Variants in CNPY3 observed in about 807,000 individuals in gnomAD.
CNPY3 encodes protein canopy homolog 3.
CNPY3 carries 20 observed loss-of-function variants against 32.0 expected under a neutral mutation model. The ratio of observed to expected loss-of-function variants is 0.63; its 90% confidence interval spans 0.44 to 0.91. The LOEUF (loss-of-function observed/expected upper bound fraction) is 0.91, where lower values mean the gene tolerates loss of function less well. Ranked by LOEUF, CNPY3 falls within the 40% of genes least tolerant of loss-of-function variation. The probability of loss-of-function intolerance (pLI) is 0.00; values close to 1 mark genes in which losing one functional copy is unlikely to be tolerated. For synonymous variants in CNPY3, 138 were observed against 142.9 expected, an observed-to-expected ratio of 0.97 and a Z score of 0.24; for missense variants, 299 against 340.8, an observed-to-expected ratio of 0.88 and a Z score of 0.97.
intron 2 of CNPY3, among the ~76,000 whole-genome samples, chr6:42,934,892 T>G (rs1768105015): frequency 6.6e-6 from 1 of 152,210 alleles, no homozygotes; most frequent in Non-Finnish European, 1.5e-5. Context: ...GCGACGGAGT[T>G]TCACTCTTGT....
At chr6:42,932,944 G>C (rs1328107008) in intron 1 of CNPY3, among the ~76,000 whole-genome samples, 1 of 152,122 alleles carries the variant, frequency 6.6e-6, no homozygotes, top group African/African-American at 2.4e-5. Flanking sequence ...ATCAGAAGAC[G>C]GTCTCTATCA....
chr6:42,928,935 A>T (rs1389571517), upstream of CNPY3, among the ~76,000 whole-genome samples: 1 of 152,220 alleles, frequency 6.6e-6, no homozygotes, highest in African/African-American at 2.4e-5. Context: ...TCTCACTAGG[A>T]CAAATCTACT....
At chr6:42,931,859 G>T (rs947292345) in intron 1 of CNPY3, among the ~76,000 whole-genome samples, 2 of 151,922 alleles carry the variant, frequency 1.3e-5, no homozygotes, top group African/African-American at 4.8e-5. Flanking sequence ...GAATAGCTGG[G>T]ATTACAGGCA....
chr6:42,929,450 C>T (rs1001174289), upstream of CNPY3: 1 of 1,058,676 alleles, frequency 9.4e-7, no homozygotes, highest in South Asian at 1.7e-5. Flanking sequence ...GGGAGGCTAG[C>T]TGTTGTCGTG....
intron 3 of CNPY3, 104 bp from the exon 4 acceptor site, chr6:42,937,613 C>G: frequency 2.5e-6 from 3 of 1,187,292 alleles, no homozygotes; most frequent in South Asian, 1.4e-5. Flanking sequence ...CCTTAGAGGG[C>G]GTTGAGCATT....
intron 4 of CNPY3, 47 bp downstream of exon 4, chr6:42,937,886 G>A (rs761724215): frequency 6.2e-7 from 1 of 1,611,882 alleles, no homozygotes; most frequent in Non-Finnish European, 8.5e-7. Flanking sequence ...CCAGTGAGGG[G>A]CTGGTGGGGA....
At chr6:42,938,455 G>A in intron 5 of CNPY3, 113 bp from the exon 6 acceptor site, 2 of 1,055,070 alleles carry the variant, frequency 1.9e-6, no homozygotes, top group Middle Eastern at 2.9e-4. Flanking sequence ...CAGGGAGGCT[G>A]ATGTCAAGCA....
At position 42,934,611 on chromosome 6, in the gene CNPY3, G is replaced by C. The variant is rs1008476249; in HGVS notation, c.275+13G>C. The stretch of plus-strand genomic sequence containing the variant: ...AATACACCAAGTCGTAAGTGAATGG[G>C]GACTCACTGGCCTGGCCTGCGTTGC... On this transcript the variant is annotated intron_variant, in intron 2 of 5. Coordinates refer to ENST00000372836, the MANE Select transcript of CNPY3 (RefSeq NM_006586.5). 1.2e-6 allele frequency: 2 copies of C among 1,613,320 alleles called. No homozygotes were observed. The highest frequency in any genetic ancestry group is 3.3e-5 in the Admixed American group (2 of 59,992).
intron 2 of CNPY3, among the ~76,000 whole-genome samples, chr6:42,934,821 T>C (rs1225506937): frequency 6.6e-6 from 1 of 152,218 alleles, no homozygotes; most frequent in African/African-American, 2.4e-5. Flanking sequence ...AGCAAGACTG[T>C]TGGACTATAT....
chr6:42,929,892 C>T (rs1767662481), intron 1 of CNPY3, among the ~76,000 whole-genome samples, 171 bp downstream of exon 1: 1 of 152,182 alleles, frequency 6.6e-6, no homozygotes, highest in Non-Finnish European at 1.5e-5. Flanking sequence ...GGTCCCGGTA[C>T]CCCTGGAGTT....
chr6:42,932,958 A>G (rs1767938236), intron 1 of CNPY3, among the ~76,000 whole-genome samples: 1 of 152,190 alleles, frequency 6.6e-6, no homozygotes, highest in Admixed American at 6.6e-5. Context: ...TCTATCAACA[A>G]GATTTATCGA....
chr6:42,936,846 T>C (rs1768272297), intron 3 of CNPY3, among the ~76,000 whole-genome samples: 1 of 152,088 alleles, frequency 6.6e-6, no homozygotes, highest in Admixed American at 6.6e-5. Flanking sequence ...CTTCAAGGTA[T>C]AAGTAAAAAG....
intron 1 of CNPY3, among the ~76,000 whole-genome samples, chr6:42,931,222 G>C (rs1767784789): frequency 1.6e-5 from 2 of 124,410 alleles, no homozygotes; most frequent in South Asian, 5.3e-4. Context: ...CTCTAGTCCT[G>C]ATAGCTTTTT....
In CNPY3 at chr6:42,937,954, A is replaced by T. The variant is rs1581717849; in HGVS notation, c.495+115A>T. On this transcript the variant is annotated intron_variant, in intron 4 of 5. Transcript: ENST00000372836. ...GGGGTGGCTTTGGTCAGGTCATTTC[A>T]CCTCTCTGGCCTCAGTTTCCTTAGG... is the stretch of plus-strand genomic sequence containing the variant. 4.7e-6 allele frequency: 7 copies of T among 1,491,430 alleles called. No homozygotes were observed. In the East Asian group the frequency reaches 1.6e-4, roughly 34 times the overall value. The allele number at this position is 1,491,430 out of a possible 1,614,324, so 92.4% of individuals were successfully genotyped here.
intron 5 of CNPY3, 124 bp downstream of exon 5, chr6:42,938,331 G>A (rs759940191): frequency 1.9e-4 from 163 of 850,732 alleles, no homozygotes; most frequent in Non-Finnish European, 3.1e-4. Flanking sequence ...CCCTTGAAAG[G>A]CTTGATTGGC....
At chr6:42,937,547 C>T (rs1027834614) in intron 3 of CNPY3, among the ~76,000 whole-genome samples, 170 bp from the exon 4 acceptor site, 1 of 151,696 alleles carries the variant, frequency 6.6e-6, no homozygotes, top group African/African-American at 2.4e-5. Flanking sequence ...TGAGCTGAGA[C>T]GCTCCAACCT....
chr6:42,938,528 G>A (rs1768390715), intron 5 of CNPY3, 40 bp from the exon 6 acceptor site: 2 of 1,540,328 alleles, frequency 1.3e-6, no homozygotes, highest in Non-Finnish European at 1.8e-6. Flanking sequence ...CCCCAGCCCT[G>A]AGGCACTTCT....
At chr6:42,937,279 G>A (rs751730157) in intron 3 of CNPY3, among the ~76,000 whole-genome samples, 26 of 152,122 alleles carry the variant, frequency 1.7e-4, no homozygotes, top group Admixed American at 6.6e-5. Flanking sequence ...GTTGTGGGAA[G>A]CAGGCCTAAA....
At position 42,938,572 on chromosome 6, in the gene CNPY3, C is replaced by T. The variant is rs1418576477; in HGVS notation, c.618C>T (p.Cys206=). ...TCTCTCTCCTCCACACCCTAGGTTG[C>T]CTGGCAGAGCAGTGGTCCGGCAAGA... ...NHVLKGKDTS[C]LAEQWSGKKG... Residue 206 remains cysteine (C), a synonymous_variant, in exon 6 of 6, where the codon TGC becomes TGT. Coordinates refer to ENST00000372836, the MANE Select transcript of CNPY3 (RefSeq NM_006586.5). The T allele has an allele frequency of 1.3e-6, 2 of 1,581,978 alleles. No individual in the cohort carries two copies. The highest frequency in any genetic ancestry group is 1.1e-5 in the South Asian group (1 of 87,062).
Sources: gnomAD v4.1 joint callset for allele counts (sites outside exome capture counted in the v4.1 genomes callset) on GRCh38, gnomAD v4.1.1 for gene constraint, MANE v1.5 for transcripts, NCBI Gene and HGNC (gene_info 2026-07-23, HGNC 2026-07-21) for gene names.